Variants in KITLG observed in about 807,000 individuals in gnomAD.
The protein encoded by KITLG is KIT ligand, also known as c-Kit ligand.
KITLG carries 13 observed loss-of-function variants against 34.1 expected under a neutral mutation model. That is an observed-to-expected ratio of 0.38 (90% CI 0.25 to 0.61). The LOEUF (loss-of-function observed/expected upper bound fraction) is 0.61, where lower values mean the gene tolerates loss of function less well. KITLG is among the 20% of genes least tolerant of loss of function. KITLG has a pLI of 0.60. For missense variants in KITLG, 292 were observed against 318.9 expected, an observed-to-expected ratio of 0.92 and a Z score of 0.64; for synonymous variants, 110 against 104.0, an observed-to-expected ratio of 1.06 and a Z score of -0.35.
intron 9 of KITLG, among the ~76,000 whole-genome samples, chr12:88,504,076 T>C (rs559140461): frequency 4.6e-5 from 7 of 152,306 alleles, no homozygotes; most frequent in African/African-American, 1.7e-4. Flanking sequence ...ATTAATTTTC[T>C]GGTCTCAAAA....
At chr12:88,558,584 A>G (rs1263987702) in intron 1 of KITLG, among the ~76,000 whole-genome samples, 2 of 152,198 alleles carry the variant, frequency 1.3e-5, no homozygotes, top group Non-Finnish European at 2.9e-5. Context: ...AAACTGTTAA[A>G]ATGTTCCTTC....
intron 1 of KITLG, among the ~76,000 whole-genome samples, chr12:88,569,076 C>T (rs1488308501): frequency 6.6e-6 from 1 of 152,092 alleles, no homozygotes; most frequent in Non-Finnish European, 1.5e-5. Flanking sequence ...TGACTTCACT[C>T]ATATAGGGAA....
intron 4 of KITLG, among the ~76,000 whole-genome samples, chr12:88,518,015 T>A (rs1869514806): frequency 6.6e-6 from 1 of 152,112 alleles, no homozygotes; most frequent in Admixed American, 6.6e-5. Flanking sequence ...TCAAATTTTA[T>A]TAATATTTAT....
intron 3 of KITLG, among the ~76,000 whole-genome samples, chr12:88,531,804 G>A (rs188832516): frequency 4.7e-4 from 71 of 152,156 alleles, no homozygotes; most frequent in Admixed American, 2.0e-3. Flanking sequence ...AAGTACAGAT[G>A]GCCCTCTGTA....
At chr12:88,540,726 A>G (rs539021214) in intron 2 of KITLG, among the ~76,000 whole-genome samples, 8 of 152,288 alleles carry the variant, frequency 5.3e-5, no homozygotes, top group African/African-American at 1.9e-4. Context: ...TCCTAACAAT[A>G]AGACTCATAT....
intron 8 of KITLG, among the ~76,000 whole-genome samples, 189 bp from the exon 9 acceptor site, chr12:88,505,424 T>G (rs983223642): frequency 6.6e-6 from 1 of 152,188 alleles, no homozygotes; most frequent in East Asian, 1.9e-4. Flanking sequence ...AAGGTAGTCT[T>G]TCCAAGTAGT....
intron 3 of KITLG, among the ~76,000 whole-genome samples, chr12:88,523,224 C>T (rs1413532257): frequency 6.6e-6 from 1 of 152,178 alleles, no homozygotes; most frequent in African/African-American, 2.4e-5. Flanking sequence ...ATCAGAATCA[C>T]CAGAATTCCA....
chr12:88,540,926 T>G (rs1870497559), intron 2 of KITLG, among the ~76,000 whole-genome samples: 2 of 152,154 alleles, frequency 1.3e-5, no homozygotes, highest in Admixed American at 6.6e-5. Flanking sequence ...TCTTTCAAAC[T>G]ATTATTTTTC....
chr12:88,527,936 A>C (rs1208206812), intron 3 of KITLG, among the ~76,000 whole-genome samples: 1 of 152,220 alleles, frequency 6.6e-6, no homozygotes, highest in African/African-American at 2.4e-5. Flanking sequence ...AGAAAGCCTG[A>C]GGAAATCTTA....
chr12:88,517,391 A>C (rs575964781), intron 4 of KITLG, among the ~76,000 whole-genome samples: 111 of 152,204 alleles, frequency 7.3e-4, no homozygotes, highest in Non-Finnish European at 1.3e-3. Flanking sequence ...GTTACTTACT[A>C]TGGACTATTC....
chr12:88,516,513 A>G, intron 4 of KITLG, 23 bp from the exon 5 acceptor site: 2 of 1,535,512 alleles, frequency 1.3e-6, no homozygotes, highest in Non-Finnish European at 1.8e-6. Flanking sequence ...ATAGGATTAC[A>G]TTTTTCAAAT....
chr12:88,497,964 T>C (rs1199557930), intron 9 of KITLG, among the ~76,000 whole-genome samples: 2 of 152,218 alleles, frequency 1.3e-5, no homozygotes, highest in Non-Finnish European at 2.9e-5. Context: ...AAAGTTCGTT[T>C]GGCCTCAGCA....
chr12:88,514,983 A>T (rs1869406600), intron 6 of KITLG, among the ~76,000 whole-genome samples: 1 of 151,832 alleles, frequency 6.6e-6, no homozygotes, highest in South Asian at 2.1e-4. Flanking sequence ...GAGGACAGAA[A>T]TTTCAGAAAA....
intron 1 of KITLG, among the ~76,000 whole-genome samples, chr12:88,548,400 G>C (rs772355551): frequency 3.1e-4 from 47 of 151,902 alleles, no homozygotes; most frequent in Non-Finnish European, 5.4e-4. Flanking sequence ...GTTGCAGTGA[G>C]CCAAGATTGC....
chr12:88,513,618 C>G (rs1215238301), intron 6 of KITLG, among the ~76,000 whole-genome samples: 1 of 151,506 alleles, frequency 6.6e-6, no homozygotes, highest in Non-Finnish European at 1.5e-5. Flanking sequence ...AAGATTTGCT[C>G]TAATATCAGA....
chr12:88,575,938 G>A lies in KITLG; in HGVS notation c.15+4326C>T, dbSNP rs765000149. On this transcript the variant is annotated intron_variant, in intron 1 of 9. Coordinates refer to ENST00000644744, the MANE Select transcript of KITLG (RefSeq NM_000899.5). ...TAATGAAAAAAAAATGTCACTGCAC[G>A]TTGCCTGGTAAAGACAACAAAGACA... Among the ~76,000 whole-genome samples, 11 of 152,168 alleles carry A rather than the reference G, an allele frequency of 7.2e-5. No individual in the cohort carries two copies. The East Asian group carries it at 1.9e-3, about 27-fold the overall frequency.
chr12:88,510,525 G>T (rs1869237624), intron 6 of KITLG, among the ~76,000 whole-genome samples: 1 of 152,176 alleles, frequency 6.6e-6, no homozygotes, highest in Non-Finnish European at 1.5e-5. Context: ...GTTGGGTCAA[G>T]ACTATTTCTA....
intron 1 of KITLG, among the ~76,000 whole-genome samples, chr12:88,559,363 C>A (rs1296997982): frequency 6.6e-6 from 1 of 152,176 alleles, no homozygotes; most frequent in Non-Finnish European, 1.5e-5. Context: ...CTGCGGGCAG[C>A]AAGACCCTCC....
intron 6 of KITLG, among the ~76,000 whole-genome samples, chr12:88,511,669 A>AT (rs770424377): frequency 3.3e-5 from 5 of 152,186 alleles, no homozygotes; most frequent in Non-Finnish European, 4.4e-5. Flanking sequence ...TAAAATTATA[A>AT]TAAAAAAAAA....
Sources: gnomAD v4.1 joint callset for allele counts (sites outside exome capture counted in the v4.1 genomes callset) on GRCh38, gnomAD v4.1.1 for gene constraint, MANE v1.5 for transcripts, NCBI Gene and HGNC (gene_info 2026-07-23, HGNC 2026-07-21) for gene names.